The following MACROD2 variants were observed in gnomAD, a reference collection of about 807,000 sequenced individuals.
MACROD2 encodes ADP-ribose glycohydrolase MACROD2.
A neutral mutation model predicts 70.4 loss-of-function variants in MACROD2; 36 were observed. That is an observed-to-expected ratio of 0.51 (90% CI 0.39 to 0.68). The LOEUF (loss-of-function observed/expected upper bound fraction) is 0.68, where lower values mean the gene tolerates loss of function less well. MACROD2 is among the 30% of genes least tolerant of loss of function. MACROD2 has a pLI of 0.00. For synonymous variants in MACROD2, 172 were observed against 178.8 expected, an observed-to-expected ratio of 0.96 and a Z score of 0.30; for missense variants, 496 against 538.4, an observed-to-expected ratio of 0.92 and a Z score of 0.78.
Position 14,209,163 on chromosome 20 carries a change from C to G in MACROD2, c.271+123435C>G, listed in dbSNP as rs62208977. Among the ~76,000 whole-genome samples the G allele has an allele frequency of 5.3e-5, 8 of 152,322 alleles. No homozygotes were observed. The South Asian group carries it at 1.0e-3, about 20-fold the overall frequency. ...CCTCAGTAAAGAATGCTGTGTGCCA[C>G]AATTGGCCTGGGCTTCCCAAATTAT... On this transcript the variant is annotated intron_variant, in intron 3 of 17. Transcript: ENST00000684519.
intron 15 of MACROD2, among the ~76,000 whole-genome samples, chr20:15,998,339 A>G (rs1465033084): frequency 6.6e-6 from 1 of 152,150 alleles, no homozygotes; most frequent in Non-Finnish European, 1.5e-5. Flanking sequence ...GTTTTCGATT[A>G]CTATTTTGAT....
At chr20:15,626,100 G>A (rs2049198829) in intron 8 of MACROD2, among the ~76,000 whole-genome samples, 1 of 151,900 alleles carries the variant, frequency 6.6e-6, no homozygotes, top group Admixed American at 6.6e-5. Flanking sequence ...GATGAAGGAA[G>A]GAAAACTTAA....
At chr20:16,041,311 C>G (rs759109567) in intron 16 of MACROD2, 33 bp downstream of exon 16, 1 of 1,546,126 alleles carries the variant, frequency 6.5e-7, no homozygotes, top group East Asian at 2.3e-5. Flanking sequence ...CCCATGGAAA[C>G]TACAAATCTG....
At chr20:15,834,471 A>G (rs954327966) in intron 8 of MACROD2, among the ~76,000 whole-genome samples, 2 of 152,086 alleles carry the variant, frequency 1.3e-5, no homozygotes, top group African/African-American at 2.4e-5. Flanking sequence ...ATCAAATCCT[A>G]TGGTTTTCAT....
chr20:14,217,130 G>A (rs2081629863), intron 3 of MACROD2, among the ~76,000 whole-genome samples: 1 of 152,100 alleles, frequency 6.6e-6, no homozygotes, highest in African/African-American at 2.4e-5. Context: ...TCGGTATTTT[G>A]TTGGCTGTGG....
At chr20:14,556,054 A>T (rs1979011032) in intron 4 of MACROD2, among the ~76,000 whole-genome samples, 2 of 152,116 alleles carry the variant, frequency 1.3e-5, no homozygotes, top group Non-Finnish European at 2.9e-5. Context: ...ATAAATATAA[A>T]TGAATGTTTG....
chr20:15,583,066 G>A (rs974130359), intron 8 of MACROD2, among the ~76,000 whole-genome samples: 6 of 152,068 alleles, frequency 3.9e-5, no homozygotes, highest in African/African-American at 1.2e-4. Context: ...AATAAGTGCA[G>A]TGTGGTCTAC....
chr20:14,139,335 T>C (rs1301463147), intron 3 of MACROD2, among the ~76,000 whole-genome samples: 1 of 152,214 alleles, frequency 6.6e-6, no homozygotes, highest in Non-Finnish European at 1.5e-5. Context: ...TGTTATCTCC[T>C]TTTATAGATG....
chr20:15,911,501 C>T (rs951772700), intron 10 of MACROD2, among the ~76,000 whole-genome samples: 2 of 151,122 alleles, frequency 1.3e-5, no homozygotes, highest in Non-Finnish European at 2.9e-5. Flanking sequence ...TTCAGGAAAG[C>T]GTTAACACTA....
intron 5 of MACROD2, among the ~76,000 whole-genome samples, chr20:15,011,916 A>G (rs753978013): frequency 2.0e-5 from 3 of 152,178 alleles, no homozygotes; most frequent in Non-Finnish European, 4.4e-5. Flanking sequence ...CTTGGCACTC[A>G]TGTTATGACC....
At chr20:15,538,596 G>A (rs2047909056) in intron 8 of MACROD2, among the ~76,000 whole-genome samples, 1 of 152,158 alleles carries the variant, frequency 6.6e-6, no homozygotes, top group African/African-American at 2.4e-5. Context: ...AAATCTTCCA[G>A]GGGAATTCAA....
intron 5 of MACROD2, among the ~76,000 whole-genome samples, chr20:14,862,702 T>TATATATAAATATATATAAAA (rs1290187256): frequency 2.8e-4 from 9 of 32,502 alleles, no homozygotes; most frequent in African/African-American, 1.4e-3. Context: ...TATATATAAA[T>TATATATAAATATATATAAAA]ATATATATAT....
chr20:14,995,900 T>G (rs1030766569), intron 5 of MACROD2, among the ~76,000 whole-genome samples: 2 of 152,122 alleles, frequency 1.3e-5, no homozygotes, highest in African/African-American at 4.8e-5. Context: ...GATCTAAACT[T>G]TCAGTTGAAG....
At chr20:16,029,370 G>A (rs923450075) in intron 15 of MACROD2, among the ~76,000 whole-genome samples, 2 of 152,150 alleles carry the variant, frequency 1.3e-5, no homozygotes, top group African/African-American at 4.8e-5. Flanking sequence ...CACCCACAAC[G>A]AATACCTAGA....
chr20:15,441,714 T>C (rs558164060), intron 7 of MACROD2, among the ~76,000 whole-genome samples: 1 of 152,290 alleles, frequency 6.6e-6, no homozygotes, highest in South Asian at 2.1e-4. Flanking sequence ...CACTCCCTTG[T>C]AGTTGTGTCA....
chr20:15,001,726 C>A (rs997253944), intron 5 of MACROD2, among the ~76,000 whole-genome samples: 2 of 150,918 alleles, frequency 1.3e-5, no homozygotes, highest in Non-Finnish European at 3.0e-5. Flanking sequence ...ATTTTTATTT[C>A]TGTAGGTTTT....
chr20:14,803,296 A>G (rs1213310099), intron 5 of MACROD2, among the ~76,000 whole-genome samples: 2 of 152,086 alleles, frequency 1.3e-5, no homozygotes, highest in African/African-American at 2.4e-5. Flanking sequence ...AGGGTTTCCT[A>G]AAGTGAAATA....
intron 8 of MACROD2, among the ~76,000 whole-genome samples, chr20:15,621,465 T>A (rs999316426): frequency 6.6e-6 from 1 of 152,236 alleles, no homozygotes; most frequent in Non-Finnish European, 1.5e-5. Context: ...TATTAAGAAT[T>A]ATTTATTTAA....
At chr20:14,855,401 T>G (rs1467121576) in intron 5 of MACROD2, among the ~76,000 whole-genome samples, 1 of 152,132 alleles carries the variant, frequency 6.6e-6, no homozygotes, top group African/African-American at 2.4e-5. Context: ...AAAAGGGACC[T>G]GGCGGGGGAA....
Sources: gnomAD v4.1 joint callset for allele counts (sites outside exome capture counted in the v4.1 genomes callset) on GRCh38, gnomAD v4.1.1 for gene constraint, MANE v1.5 for transcripts, NCBI Gene and HGNC (gene_info 2026-07-23, HGNC 2026-07-21) for gene names.